The following ZNF12 variants were observed in gnomAD, a reference collection of about 807,000 sequenced individuals.
ZNF12 encodes the protein gonadotropin inducible transcription repressor 3.
In ZNF12, 34 loss-of-function variants were observed where a neutral mutation model predicts 66.6. The observed-to-expected ratio is 0.51, with a 90% confidence interval of 0.39 to 0.68. The LOEUF is 0.68. ZNF12 is among the 30% of genes least tolerant of loss of function. ZNF12 has a pLI of 0.00. For missense variants in ZNF12, 697 were observed against 826.9 expected, an observed-to-expected ratio of 0.84 and a Z score of 1.93; for synonymous variants, 320 against 278.9, an observed-to-expected ratio of 1.15 and a Z score of -1.47.
In ZNF12 at chr7:6,696,460, A is replaced by G. The variant is rs960845227; in HGVS notation, c.238+879T>C. On this transcript the variant is annotated intron_variant, in intron 4 of 4. Coordinates refer to ENST00000405858, the MANE Select transcript of ZNF12 (RefSeq NM_016265.4). This position sits in a 1 kb window ranked among gnomAD's most constrained non-coding sequence, Gnocchi z 4.0. Reference sequence around the variant, plus strand: ...CTGGTATCACAGAAAATACCAGACTAGAGCCCAGGCTCAATGGTGGTAGAG... The same window carrying G: ...CTGGTATCACAGAAAATACCAGACTGGAGCCCAGGCTCAATGGTGGTAGAG... 6.6e-6 allele frequency among the ~76,000 whole-genome samples: 1 copy of G among 152,246 alleles called. No homozygotes were observed. The highest frequency in any genetic ancestry group is 2.4e-5 in the African/African-American group (1 of 41,472).
Position 6,691,279 on chromosome 7 carries a change from C to T in ZNF12, c.1663G>A (p.Gly555Arg), listed in dbSNP as rs1222055962. Reference protein sequence around the residue: ...GEKPYECYICGKFFSQMSYLT... With the variant: ...GEKPYECYICRKFFSQMSYLT... The stretch of plus-strand genomic sequence containing the variant: ...TATGACATCTGAGAGAAGAATTTTC[C>T]ACATATATAGCATTCATAGGGCTTC... Residue 555 changes from glycine (G) to arginine (R), a missense_variant, in exon 5 of 5, where the codon GGA becomes AGA. Gly to Arg is a moderately radical substitution (Grantham distance 125). Coordinates refer to ENST00000405858, the MANE Select transcript of ZNF12 (RefSeq NM_016265.4). 1 of 1,613,986 alleles carries T rather than the reference C, an allele frequency of 6.2e-7. No homozygotes were observed. The highest frequency in any genetic ancestry group is 8.5e-7 in the Non-Finnish European group (1 of 1,179,958).
intron 2 of ZNF12, among the ~76,000 whole-genome samples, chr7:6,699,854 C>G (rs1357609871): frequency 1.3e-5 from 2 of 152,012 alleles, no homozygotes; most frequent in African/African-American, 4.8e-5. Flanking sequence ...AAAAGGAAAG[C>G]AAACAAATGA....
intron 2 of ZNF12, among the ~76,000 whole-genome samples, chr7:6,702,220 C>T (rs968105185): frequency 6.6e-6 from 1 of 151,930 alleles, no homozygotes; most frequent in Admixed American, 6.6e-5. Flanking sequence ...TCCCTCTAGC[C>T]TGACCAGTAG....
At position 6,705,804 on chromosome 7, in the gene ZNF12, G is replaced by T. The variant is rs1199006438; in HGVS notation, c.-50-581C>A. Among the ~76,000 whole-genome samples, 1 of 151,970 alleles carries T rather than the reference G, an allele frequency of 6.6e-6. No homozygotes were observed. Among genetic ancestry groups the T allele is most frequent in the African/African-American group, 2.4e-5 (1 of 41,338 alleles). Reference sequence around the variant, plus strand: ...CTATTTTCTTACTCTTTTAAATAAAGATCAGAAAATCCACAGGATGCCCTA... The same window carrying T: ...CTATTTTCTTACTCTTTTAAATAAATATCAGAAAATCCACAGGATGCCCTA... On this transcript the variant is annotated intron_variant, in intron 1 of 4. Transcript: ENST00000405858. The surrounding 1 kb of genome is among the most constrained non-coding windows in gnomAD (Gnocchi z 4.0).
At position 6,705,327 on chromosome 7, in the gene ZNF12, T is replaced by C. The variant is rs1780336866; in HGVS notation, c.-50-104A>G. 1 of 747,484 alleles carries C rather than the reference T, an allele frequency of 1.3e-6. No individual in the cohort carries two copies. The highest frequency in any genetic ancestry group is 2.2e-6 in the Non-Finnish European group (1 of 452,836). 46.3% of individuals were successfully genotyped at this position (747,484 alleles called of 1,614,324 possible). On this transcript the variant is annotated intron_variant, in intron 1 of 4. Transcript: ENST00000405858. This position sits in a 1 kb window ranked among gnomAD's most constrained non-coding sequence, Gnocchi z 4.0. ...ACAGAAAGTTCCAAGAAGTACATCT[T>C]GTGGGAGACTGTCCCTTTAAGCCTT...
At position 6,692,520 on chromosome 7, in the gene ZNF12, T is replaced by G. The variant is rs559681913; in HGVS notation, c.422A>C (p.Asp141Ala). The change falls in exon 5 of 5, where the codon GAC (aspartate) becomes GCC (alanine). Residue 141 changes from aspartate (D) to alanine (A), a missense_variant. Transcript: ENST00000405858. This position sits in a 1 kb window ranked among gnomAD's most constrained non-coding sequence, Gnocchi z 5.1. ...RKIAYKNSLC[D>A]SCEKCLTSVS... ...AGACGTTAAACACTTTTCACATGAG[T>G]CACAGAGGCTATTTTTATAGGCTAT... The G allele has an allele frequency of 1.2e-6, 2 of 1,613,604 alleles. No individual in the cohort carries two copies. Among genetic ancestry groups the G allele is most frequent in the Admixed American group, 1.7e-5 (1 of 59,982 alleles).
intron 2 of ZNF12, among the ~76,000 whole-genome samples, chr7:6,700,340 T>C (rs61397420): frequency 0.025 from 2,787 of 109,392 alleles, 68 homozygotes; most frequent in African/African-American, 0.097. Context: ...CACACACATA[T>C]ATATACATAT....
chr7:6,700,932 A>T (rs1780232386), intron 2 of ZNF12: 2 of 152,090 alleles, frequency 1.3e-5, no homozygotes, highest in African/African-American at 4.8e-5. Flanking sequence ...ACTGAATCAC[A>T]ATACTTTGAT....
chr7:6,692,770 T>A lies in ZNF12; in HGVS notation c.239-67A>T. On this transcript the variant is annotated intron_variant, in intron 4 of 4. Transcript: ENST00000405858. The surrounding 1 kb of genome is among the most constrained non-coding windows in gnomAD (Gnocchi z 5.1). ...ATATATATATGATATGGAATGAGAT[T>A]CATGATTTGTACACACGCATCTCAT... 6.9e-7 allele frequency: 1 copy of A among 1,449,692 alleles called. No individual in the cohort carries two copies. The highest frequency in any genetic ancestry group is 9.2e-7 in the Non-Finnish European group (1 of 1,082,950). 89.8% of individuals were successfully genotyped at this position (1,449,692 alleles called of 1,614,324 possible).
At chr7:6,699,360 C>G (rs1243478376) in intron 2 of ZNF12, among the ~76,000 whole-genome samples, 1 of 152,194 alleles carries the variant, frequency 6.6e-6, no homozygotes. Context: ...CCACTCTCTC[C>G]CAGCTCTAGA....
chr7:6,690,646 A>G lies in ZNF12; in HGVS notation c.*202T>C, dbSNP rs1780050878. Reference sequence around the variant, plus strand: ...AATATTTATAAATTTTTACTTGTCTATAGTCTAGTATTGTTATACCATGTG... The same window carrying G: ...AATATTTATAAATTTTTACTTGTCTGTAGTCTAGTATTGTTATACCATGTG... On this transcript the variant is annotated 3_prime_UTR_variant, in exon 5 of 5. Transcript: ENST00000405858. The G allele has an allele frequency of 5.6e-6, 3 of 531,000 alleles. No individual in the cohort carries two copies. The highest frequency in any genetic ancestry group is 6.5e-6 in the Non-Finnish European group (2 of 307,730). 32.9% of individuals were successfully genotyped at this position (531,000 alleles called of 1,614,324 possible).
In ZNF12 at chr7:6,692,777, T is replaced by C; in HGVS notation, c.239-74A>G. ...TATGATATGGAATGAGATTCATGAT[T>C]TGTACACACGCATCTCATTGTGAGT... On this transcript the variant is annotated intron_variant, in intron 4 of 4. Transcript: ENST00000405858. This position sits in a 1 kb window ranked among gnomAD's most constrained non-coding sequence, Gnocchi z 5.1. The C allele has an allele frequency of 1.4e-6, 2 of 1,401,812 alleles. No homozygotes were observed. Among genetic ancestry groups the C allele is most frequent in the Non-Finnish European group, 1.9e-6 (2 of 1,041,210 alleles). 86.8% of individuals were successfully genotyped at this position (1,401,812 alleles called of 1,614,324 possible).
chr7:6,699,322 G>T (rs950894764), intron 2 of ZNF12, among the ~76,000 whole-genome samples: 1 of 152,168 alleles, frequency 6.6e-6, no homozygotes, highest in Non-Finnish European at 1.5e-5. Flanking sequence ...GTGCAAGCTG[G>T]GTTCTACTGA....
intron 4 of ZNF12, among the ~76,000 whole-genome samples, chr7:6,694,205 TC>T (rs1228751485): frequency 3.3e-5 from 5 of 151,190 alleles, no homozygotes; most frequent in Non-Finnish European, 7.4e-5. Context: ...ACAAACAAAA[TC>T]AGATCCCTTA....
In ZNF12 at chr7:6,696,311, TAGA is replaced by T. The variant is rs3839711; in HGVS notation, c.238+1025_238+1027del. Among the ~76,000 whole-genome samples the T allele has an allele frequency of 0.11, 16,050 of 152,206 alleles. 989 individuals carry two copies. Among genetic ancestry groups the T allele is most frequent in the Middle Eastern group, 0.15 (44 of 294 alleles). ...TTCAGTGGTTTCACAGGGACCACTA[TAGA>T]AGAAGAAGAGATTAGTATAGTTTAG... On this transcript the variant is annotated intron_variant, in intron 4 of 4. Transcript: ENST00000405858. This position sits in a 1 kb window ranked among gnomAD's most constrained non-coding sequence, Gnocchi z 4.0.
In ZNF12 at chr7:6,692,702, A is replaced by C. The variant is rs1384597732; in HGVS notation, c.240T>G (p.Asp80Glu). ...TTAGGTCATCAGTTTGCCAGACTTC[A>C]TCTAAAGAGAGACAAAATTAATAAA... Reference protein sequence around the residue: ...EGEFLLQSYPDEVWQTDDLIE... With the variant: ...EGEFLLQSYPEEVWQTDDLIE... The change falls in exon 5 of 5, where the codon GAT (aspartate) becomes GAG (glutamate). Residue 80 changes from aspartate to glutamate, a missense_variant and splice_region_variant. By Grantham distance (45) the Asp-to-Glu change is conservative. Transcript: ENST00000405858. The surrounding 1 kb of genome is among the most constrained non-coding windows in gnomAD (Gnocchi z 5.1). 3 of 1,557,280 alleles carry C rather than the reference A, an allele frequency of 1.9e-6. No homozygotes were observed. In the South Asian group the frequency reaches 3.7e-5, roughly 19 times the overall value.
At chr7:6,694,314 ATATCAACCG>A (rs1562599277) in intron 4 of ZNF12, among the ~76,000 whole-genome samples, 1 of 152,138 alleles carries the variant, frequency 6.6e-6, no homozygotes, top group African/African-American at 2.4e-5. Flanking sequence ...AAGTGAAACG[ATATCAACCG>A]TAACCCCTAT....
Position 6,706,378 on chromosome 7 carries a change from G to T in ZNF12, c.-51+54C>A, listed in dbSNP as rs963876087. The T allele has an allele frequency of 1.7e-5, 8 of 457,344 alleles. No homozygotes were observed. In the East Asian group the frequency reaches 4.1e-4, roughly 24 times the overall value. The allele number at this position is 457,344 out of a possible 1,614,324, so 28.3% of individuals were successfully genotyped here. A position where few individuals can be genotyped will look rare whatever the true frequency, so the allele number is the denominator to read the frequency against. ...TCCCTCACTCTAAGGTGCCCTACACGCGGTGACTTCACCCAGGCCCTTCTC... is the reference window on the plus strand; with the variant it reads ...TCCCTCACTCTAAGGTGCCCTACACTCGGTGACTTCACCCAGGCCCTTCTC... On this transcript the variant is annotated intron_variant, in intron 1 of 4. Transcript: ENST00000405858.
rs1780155729 is a variant in ZNF12, at chr7:6,696,391, A to T, written c.238+948T>A. Among the ~76,000 whole-genome samples, 1 of 152,234 alleles carries T rather than the reference A, an allele frequency of 6.6e-6. No individual in the cohort carries two copies. The highest frequency in any genetic ancestry group is 2.4e-5 in the African/African-American group (1 of 41,458). The stretch of plus-strand genomic sequence containing the variant: ...TAGTAATTATAATTTGGAATAGGTC[A>T]TGATCAATTTCCAGGCCTGATGAGA... On this transcript the variant is annotated intron_variant, in intron 4 of 4. Coordinates refer to ENST00000405858, the MANE Select transcript of ZNF12 (RefSeq NM_016265.4). This position sits in a 1 kb window ranked among gnomAD's most constrained non-coding sequence, Gnocchi z 4.0.
Sources: allele counts gnomAD v4.1 joint callset (sites outside exome capture counted in the v4.1 genomes callset), GRCh38; gene constraint gnomAD v4.1.1; non-coding constraint Gnocchi (gnomAD v3.1); transcripts MANE v1.5; gene names NCBI Gene and HGNC (gene_info 2026-07-23, HGNC 2026-07-21).